SEMA3A: variants seen among roughly 807,000 people sequenced by gnomAD.
SEMA3A encodes the protein semaphorin 3A.
Under a neutral mutation model 97.9 loss-of-function variants are expected in SEMA3A, and 29 were observed. The ratio of observed to expected loss-of-function variants is 0.30; its 90% CI spans 0.22 to 0.40. The LOEUF (loss-of-function observed/expected upper bound fraction) is 0.40, where lower values mean the gene tolerates loss of function less well. SEMA3A is among the 10% of genes least tolerant of loss of function. The probability of loss-of-function intolerance (pLI) is 1.00; values close to 1 mark genes in which losing one functional copy is unlikely to be tolerated. For missense variants in SEMA3A, 763 were observed against 951.3 expected (o/e 0.80, Z 2.60); for synonymous variants, 321 against 323.7 (o/e 0.99, Z 0.09).
chr7:84,001,912 G>C (rs201830612), intron 12 of SEMA3A, 43 bp downstream of exon 12: 1 of 1,360,976 alleles, frequency 7.3e-7, no homozygotes, highest in Admixed American at 1.7e-5. Context: ...GGGGAAAGAC[G>C]TACAACTGAA....
intron 1 of SEMA3A, among the ~76,000 whole-genome samples, chr7:84,442,065 T>C (rs919251636): frequency 1.3e-5 from 2 of 152,038 alleles, no homozygotes; most frequent in African/African-American, 4.8e-5. Flanking sequence ...GAAAGAGAGA[T>C]CTCAGTAAAG....
At chr7:84,069,617 A>G (rs957966848) in intron 4 of SEMA3A, among the ~76,000 whole-genome samples, 23 of 152,116 alleles carry the variant, frequency 1.5e-4, no homozygotes, top group African/African-American at 5.3e-4. Context: ...TCATGAAAAA[A>G]TAATTTAAAT....
intron 3 of SEMA3A, among the ~76,000 whole-genome samples, chr7:84,223,761 A>T (rs1046660666): frequency 2.0e-5 from 3 of 151,906 alleles, no homozygotes; most frequent in African/African-American, 7.2e-5. Flanking sequence ...AGAGAATTCC[A>T]GATATCATGA....
At chr7:84,367,883 C>T (rs1228865) in intron 2 of SEMA3A, among the ~76,000 whole-genome samples, 74,189 of 150,812 alleles carry the variant, frequency 0.49, 20,224 homozygotes, top group East Asian at 0.91. Flanking sequence ...TTCTGTTTAT[C>T]TAAAAGAATC....
chr7:84,263,173 T>A lies in SEMA3A; in HGVS notation c.-83+44034A>T, dbSNP rs144405112. Among the ~76,000 whole-genome samples, 169 of 152,304 alleles carry A rather than the reference T, an allele frequency of 1.1e-3. 1 individual carries two copies. Among genetic ancestry groups the A allele is most frequent in the African/African-American group, 3.8e-3 (158 of 41,540 alleles). ...ATATTTTTCCACTTCCTTAATTTTT[T>A]AAATGTATCCCCAAATTCTAAAATA... On this transcript the variant is annotated intron_variant, in intron 3 of 3. Transcript: ENST00000424555.
At chr7:84,389,565 A>C (rs1803487137) in intron 1 of SEMA3A, among the ~76,000 whole-genome samples, 1 of 152,082 alleles carries the variant, frequency 6.6e-6, no homozygotes, top group Admixed American at 6.6e-5. Flanking sequence ...GGTAACATTA[A>C]TATGTCAAAT....
intron 1 of SEMA3A, among the ~76,000 whole-genome samples, chr7:84,447,879 C>A (rs781638062): frequency 2.0e-5 from 3 of 152,214 alleles, no homozygotes; most frequent in Admixed American, 6.5e-5. Context: ...TTCCTGCCAT[C>A]TCCAAGTTTC....
intron 3 of SEMA3A, among the ~76,000 whole-genome samples, chr7:84,296,348 TA>T (rs1800870613): frequency 6.6e-6 from 1 of 152,162 alleles, no homozygotes; most frequent in Non-Finnish European, 1.5e-5. Context: ...TTTGTAATCA[TA>T]AATTTGAGCA....
At chr7:84,082,052 A>T (rs971008310) in intron 4 of SEMA3A, among the ~76,000 whole-genome samples, 5 of 152,170 alleles carry the variant, frequency 3.3e-5, no homozygotes, top group African/African-American at 1.2e-4. Context: ...ATAACACTAC[A>T]GGGAACAAGG....
chr7:84,332,252 G>A (rs1337575706), intron 2 of SEMA3A, among the ~76,000 whole-genome samples: 1 of 151,952 alleles, frequency 6.6e-6, no homozygotes, highest in Admixed American at 6.6e-5. Flanking sequence ...AAGTCCCAAC[G>A]ACTCATTTCC....
intron 1 of SEMA3A, among the ~76,000 whole-genome samples, chr7:84,175,516 G>A (rs934142985): frequency 2.6e-5 from 4 of 152,182 alleles, no homozygotes; most frequent in Non-Finnish European, 4.4e-5. Context: ...CCCTTGTAGG[G>A]TTCACCACCA....
intron 3 of SEMA3A, among the ~76,000 whole-genome samples, chr7:84,262,110 T>A (rs996658230): frequency 3.4e-5 from 5 of 147,406 alleles, no homozygotes; most frequent in Admixed American, 6.8e-5. Context: ...TTTTTTTTTT[T>A]ATCATATTAC....
In SEMA3A at chr7:84,354,367, T is replaced by C. The variant is rs17158923; in HGVS notation, c.-169+17457A>G. Among the ~76,000 whole-genome samples the C allele has an allele frequency of 0.014, 2,197 of 151,776 alleles. 93 individuals carry two copies. In the East Asian group the frequency reaches 0.15, roughly 10 times the overall value. On this transcript the variant is annotated intron_variant, in intron 2 of 3. Transcript: ENST00000424555. ...TATTTTCTTTTTTATACAACAGATA[T>C]GGTGTTTTCAAATAAATTTTACTAG...
intron 3 of SEMA3A, among the ~76,000 whole-genome samples, chr7:84,125,411 T>C (rs1176923052): frequency 6.6e-6 from 1 of 152,230 alleles, no homozygotes; most frequent in Non-Finnish European, 1.5e-5. Flanking sequence ...TTAGTAAGTG[T>C]GGAAAATGCA....
intron 1 of SEMA3A, among the ~76,000 whole-genome samples, chr7:84,186,985 T>C (rs1399529472): frequency 1.3e-5 from 2 of 152,086 alleles, no homozygotes; most frequent in East Asian, 3.9e-4. Context: ...AGTCTGAGGA[T>C]GGAAGTGGAT....
At chr7:84,297,007 C>T (rs757170048) in intron 3 of SEMA3A, among the ~76,000 whole-genome samples, 2 of 152,088 alleles carry the variant, frequency 1.3e-5, no homozygotes, top group African/African-American at 4.8e-5. Context: ...GATGGAGTTT[C>T]GATCTTGTTG....
chr7:84,299,192 G>A (rs904810665), intron 3 of SEMA3A, among the ~76,000 whole-genome samples: 2 of 151,524 alleles, frequency 1.3e-5, no homozygotes, highest in Admixed American at 6.6e-5. Flanking sequence ...GTGATCCTGT[G>A]AGTCAATTCT....
At chr7:84,249,358 CTCTG>C (rs1355724455) in intron 3 of SEMA3A, among the ~76,000 whole-genome samples, 2 of 133,168 alleles carry the variant, frequency 1.5e-5, no homozygotes, top group Non-Finnish European at 3.3e-5. Context: ...CTCTCTCTCT[CTCTG>C]TCTATCATCT....
At chr7:84,103,286 T>A (rs1378810942) in intron 4 of SEMA3A, among the ~76,000 whole-genome samples, 1 of 152,142 alleles carries the variant, frequency 6.6e-6, no homozygotes, top group African/African-American at 2.4e-5. Flanking sequence ...GAATATAGCA[T>A]TTGCATATCG....
Sources: allele counts gnomAD v4.1 joint callset (sites outside exome capture counted in the v4.1 genomes callset), GRCh38; gene constraint gnomAD v4.1.1; transcripts MANE v1.5; gene names NCBI Gene and HGNC (gene_info 2026-07-23, HGNC 2026-07-21).